The following FBXL13 variants were observed in gnomAD, a reference collection of about 807,000 sequenced individuals.
The protein encoded by FBXL13 is F-box and leucine rich repeat protein 13.
In FBXL13, 67 loss-of-function variants were observed where a neutral mutation model predicts 83.6. The ratio of observed to expected loss-of-function variants is 0.80; its 90% CI spans 0.66 to 0.98. The LOEUF is 0.98. FBXL13 is among the 50% of genes least tolerant of loss of function. The pLI, the probability that FBXL13 is intolerant of heterozygous loss-of-function variation, is 0.00. For synonymous variants in FBXL13, 272 were observed against 299.5 expected (o/e 0.91, Z 0.95); for missense variants, 822 against 866.5 (o/e 0.95, Z 0.64).
intron 4 of FBXL13, among the ~76,000 whole-genome samples, chr7:103,027,766 T>C (rs1296432846): frequency 1.3e-5 from 2 of 152,206 alleles, no homozygotes; most frequent in Non-Finnish European, 2.9e-5. Context: ...CCTTTGCCCT[T>C]AGAAATTAAG....
At chr7:102,840,682 A>G (rs1220732517) in intron 17 of FBXL13, among the ~76,000 whole-genome samples, 1 of 152,224 alleles carries the variant, frequency 6.6e-6, no homozygotes, top group East Asian at 1.9e-4. Flanking sequence ...ATTTGCGGAC[A>G]TAATAGAATA....
intron 8 of FBXL13, among the ~76,000 whole-genome samples, chr7:102,947,888 G>A (rs1009152491): frequency 2.0e-5 from 3 of 152,088 alleles, no homozygotes; most frequent in African/African-American, 7.2e-5. Flanking sequence ...AGTTGGCTGT[G>A]ACCTAATGCC....
chr7:102,819,346 T>C (rs1798477338), intron 19 of FBXL13, among the ~76,000 whole-genome samples: 1 of 152,162 alleles, frequency 6.6e-6, no homozygotes, highest in South Asian at 2.1e-4. Flanking sequence ...CTGGGGTCAC[T>C]TCCTGGAAAC....
chr7:102,905,033 A>G (rs1813538481), intron 11 of FBXL13, among the ~76,000 whole-genome samples: 1 of 152,022 alleles, frequency 6.6e-6, no homozygotes, highest in African/African-American at 2.4e-5. Flanking sequence ...GAACTAACAT[A>G]TGATCTATCC....
intron 2 of FBXL13, among the ~76,000 whole-genome samples, chr7:103,033,642 T>C (rs1019696487): frequency 6.6e-6 from 1 of 152,068 alleles, no homozygotes; most frequent in East Asian, 1.9e-4. Flanking sequence ...TGTGGTCTTG[T>C]TGGCTTCAGG....
At chr7:102,834,054 A>G (rs1315525136) in intron 17 of FBXL13, among the ~76,000 whole-genome samples, 2 of 112,752 alleles carry the variant, frequency 1.8e-5, no homozygotes, top group African/African-American at 8.2e-5. Flanking sequence ...GGAAGGAAGG[A>G]AGGAAGGAAG....
intron 11 of FBXL13, among the ~76,000 whole-genome samples, chr7:102,910,278 T>C (rs1814432433): frequency 6.6e-6 from 1 of 152,194 alleles, no homozygotes; most frequent in African/African-American, 2.4e-5. Context: ...TTCAGGACTA[T>C]TGTTTCTATC....
intron 6 of FBXL13, among the ~76,000 whole-genome samples, chr7:103,000,161 A>G (rs1315111612): frequency 6.6e-6 from 1 of 152,064 alleles, no homozygotes; most frequent in Non-Finnish European, 1.5e-5. Context: ...TCACTGACCA[A>G]TTAATTACTC....
chr7:102,825,541 G>A (rs7790451), intron 18 of FBXL13, among the ~76,000 whole-genome samples: 33,785 of 152,054 alleles, frequency 0.22, 4,279 homozygotes, highest in African/African-American at 0.35. Context: ...CCCAGTTTCA[G>A]GTATTCTGTT....
rs757185345 is a variant in FBXL13, at chr7:102,991,772, A to G, written c.496-23655T>C. Among the ~76,000 whole-genome samples the G allele has an allele frequency of 3.3e-5, 5 of 152,222 alleles. No individual in the cohort carries two copies. The South Asian group carries it at 1.0e-3, about 31-fold the overall frequency. Reference sequence around the variant, plus strand: ...AAACTGCTAAAATAAATTAGGTTCCACCAACCATTCCAATGGAACATTGTA... The same window carrying G: ...AAACTGCTAAAATAAATTAGGTTCCGCCAACCATTCCAATGGAACATTGTA... On this transcript the variant is annotated intron_variant, in intron 6 of 19. Transcript: ENST00000313221.
intron 6 of FBXL13, among the ~76,000 whole-genome samples, chr7:102,997,080 T>C (rs964443754): frequency 6.6e-6 from 1 of 152,204 alleles, no homozygotes; most frequent in Non-Finnish European, 1.5e-5. Context: ...TTCCAAAACC[T>C]TATCCCTTTA....
At chr7:103,070,034 C>A (rs1467180764) in intron 1 of FBXL13, among the ~76,000 whole-genome samples, 1 of 150,304 alleles carries the variant, frequency 6.7e-6, no homozygotes, top group African/African-American at 2.4e-5. Context: ...AGCCGAGATC[C>A]CGCCACTGCA....
intron 2 of FBXL13, among the ~76,000 whole-genome samples, chr7:103,042,598 C>G (rs4729864): frequency 6.6e-6 from 1 of 151,948 alleles, no homozygotes; most frequent in Non-Finnish European, 1.5e-5. Context: ...ACCAAAACAG[C>G]ATGGTACTGG....
chr7:102,956,671 G>A (rs995393624), intron 8 of FBXL13, among the ~76,000 whole-genome samples: 1 of 152,186 alleles, frequency 6.6e-6, no homozygotes, highest in Non-Finnish European at 1.5e-5. Context: ...AAGGTGATAA[G>A]CAACTTCAGC....
chr7:103,030,663 AC>A (rs1467741999), intron 2 of FBXL13, among the ~76,000 whole-genome samples: 2 of 152,222 alleles, frequency 1.3e-5, no homozygotes, highest in Admixed American at 1.3e-4. Context: ...ATATTATATG[AC>A]CAAATGAATG....
intron 6 of FBXL13, among the ~76,000 whole-genome samples, chr7:103,023,304 CA>C (rs896318345): frequency 4.0e-5 from 6 of 149,538 alleles, no homozygotes; most frequent in Middle Eastern, 6.8e-3. Context: ...CAGAACAAAA[CA>C]AAAAAAAATA....
chr7:102,934,691 T>C, intron 8 of FBXL13: 1 of 1,563,100 alleles, frequency 6.4e-7, no homozygotes, highest in East Asian at 2.2e-5. Context: ...GAAAGGTTTG[T>C]ACTTTTCTTA....
chr7:103,049,110 C>T (rs1430784970), intron 2 of FBXL13, among the ~76,000 whole-genome samples: 1 of 151,842 alleles, frequency 6.6e-6, no homozygotes, highest in African/African-American at 2.4e-5. Flanking sequence ...AGTCATTTTA[C>T]TTTAGGACAA....
At chr7:102,827,264 G>T in intron 18 of FBXL13, 1 of 389,582 alleles carries the variant, frequency 2.6e-6, no homozygotes, top group South Asian at 1.7e-5. Flanking sequence ...GGTCCCCTAG[G>T]CCAACCAGCT....
Sources: gnomAD v4.1 joint callset for allele counts (sites outside exome capture counted in the v4.1 genomes callset) on GRCh38, gnomAD v4.1.1 for gene constraint, MANE v1.5 for transcripts, NCBI Gene and HGNC (gene_info 2026-07-23, HGNC 2026-07-21) for gene names.